EPHB3: variants seen among roughly 807,000 people sequenced by gnomAD.
The protein encoded by EPHB3 is EPH receptor B3.
In EPHB3, 33 loss-of-function variants were observed where a neutral mutation model predicts 100.2. The observed-to-expected ratio is 0.33, with a 90% CI of 0.25 to 0.44. The LOEUF (loss-of-function observed/expected upper bound fraction) is 0.44. Among genes scored for constraint, EPHB3 ranks in the 20% least tolerant of loss-of-function variants. The pLI, the probability that EPHB3 is intolerant of heterozygous loss-of-function variation, is 1.00. For missense variants in EPHB3, 1,045 were observed against 1,378.3 expected (o/e 0.76, Z 3.83); for synonymous variants, 526 against 554.7 (o/e 0.95, Z 0.73).
At chr3:184,566,393 T>C (rs916477513) in intron 1 of EPHB3, among the ~76,000 whole-genome samples, 2 of 152,212 alleles carry the variant, frequency 1.3e-5, no homozygotes, top group African/African-American at 2.4e-5. Context: ...TTCTCTGTTC[T>C]GAGATGTTCC....
chr3:184,580,456 G>T lies in EPHB3; in HGVS notation c.2227G>T (p.Ala743Ser). 1 of 1,614,222 alleles carries T rather than the reference G, an allele frequency of 6.2e-7. No homozygotes were observed. Among genetic ancestry groups the T allele is most frequent in the Non-Finnish European group, 8.5e-7 (1 of 1,180,026 alleles). Residue 743 changes from alanine to serine, a missense_variant, in exon 12 of 16, where the codon GCT becomes TCT. Ala to Ser is a moderately conservative substitution (Grantham distance 99). Coordinates refer to ENST00000330394, the MANE Select transcript of EPHB3 (RefSeq NM_004443.4). ...GCTGGTGGGCATGTTGCGGGGCATT[G>T]CTGCCGGCATGAAGTACCTGTCCGA... ...IQLVGMLRGI[A>S]AGMKYLSEMN...
intron 1 of EPHB3, among the ~76,000 whole-genome samples, chr3:184,567,480 G>T (rs979777356): frequency 6.7e-6 from 1 of 148,564 alleles, no homozygotes; most frequent in East Asian, 2.0e-4. Context: ...ATGCTTGCAG[G>T]GTGTGTGTGT....
In EPHB3 at chr3:184,580,850, G is replaced by C. The variant is rs1235401341; in HGVS notation, c.2510G>C (p.Arg837Pro). The change falls in exon 13 of 16, where the codon CGA (arginine) becomes CCA (proline). Residue 837 changes from arginine (R) to proline (P), a missense_variant. Physicochemically the swap from Arg to Pro is moderately radical, Grantham distance 103. This residue lies in a region of EPHB3 where 985 missense variants were observed against 1,331.1 expected (regional missense o/e 0.74). Transcript: ENST00000330394. The stretch of plus-strand genomic sequence containing the variant: ...TGGGAGGTCATGAGCTATGGAGAGC[G>C]ACCCTACTGGGACATGAGCAACCAG... The part of the protein sequence containing the change: ...VMWEVMSYGE[R>P]PYWDMSNQDV... 6.2e-7 allele frequency: 1 copy of C among 1,614,156 alleles called. No homozygotes were observed. The highest frequency in any genetic ancestry group is 2.2e-5 in the East Asian group (1 of 44,886).
At position 184,581,004 on chromosome 3, in the gene EPHB3, G is replaced by A; in HGVS notation, c.2571G>A (p.Leu857=). ...ATGCCGTGGAGCAGGATTACCGGCT[G>A]CCACCACCCATGGACTGTCCCACAG... is the stretch of plus-strand genomic sequence containing the variant. ...VINAVEQDYR[L]PPPMDCPTAL... Residue 857 remains leucine, a synonymous_variant, in exon 14 of 16, where the codon CTG becomes CTA. Transcript: ENST00000330394. 1 of 1,612,938 alleles carries A rather than the reference G, an allele frequency of 6.2e-7. No individual in the cohort carries two copies. The highest frequency in any genetic ancestry group is 2.2e-5 in the East Asian group (1 of 44,816).
Position 184,576,916 on chromosome 3 carries a change from C to A in EPHB3, c.1087C>A (p.Arg363=), listed in dbSNP as rs549325655. The part of the protein sequence containing the change: ...TSLILEWSEP[R]DLGGRDDLLY... ...ACTGATCCTCGAGTGGAGTGAGCCC[C>A]GGGACCTGGGTGGCCGGGATGACCT... The change falls in exon 5 of 16, where the codon CGG becomes AGG. Residue 363 remains arginine, a synonymous_variant. Transcript: ENST00000330394. 15 of 1,595,734 alleles carry A rather than the reference C, an allele frequency of 9.4e-6. No homozygotes were observed. The highest frequency in any genetic ancestry group is 1.3e-5 in the Non-Finnish European group (15 of 1,168,052).
At chr3:184,574,076 T>C (rs907110327) in intron 3 of EPHB3, among the ~76,000 whole-genome samples, 1 of 152,158 alleles carries the variant, frequency 6.6e-6, no homozygotes, top group Non-Finnish European at 1.5e-5. Context: ...AGGAAAATAA[T>C]AGAGGTTCCT....
In EPHB3 at chr3:184,580,337, G is replaced by A. The variant is rs1714787922; in HGVS notation, c.2173-65G>A. 2.5e-6 allele frequency: 4 copies of A among 1,597,520 alleles called. No homozygotes were observed. In the African/African-American group the frequency reaches 4.0e-5, roughly 16 times the overall value. ...GAGTCTGAGTACTCGGAGAGGGAAGGCAGGTGGGCAGGCCATGGGCTGATG... is the reference window on the plus strand; with the variant it reads ...GAGTCTGAGTACTCGGAGAGGGAAGACAGGTGGGCAGGCCATGGGCTGATG... On this transcript the variant is annotated intron_variant, in intron 11 of 15. Transcript: ENST00000330394.
In EPHB3 at chr3:184,569,979, G is replaced by A. The variant is rs1387178309; in HGVS notation, c.119-1339G>A. 6.6e-6 allele frequency among the ~76,000 whole-genome samples: 1 copy of A among 152,242 alleles called. No homozygotes were observed. Among genetic ancestry groups the A allele is most frequent in the Non-Finnish European group, 1.5e-5 (1 of 68,048 alleles). On this transcript the variant is annotated intron_variant, in intron 1 of 15. Coordinates refer to ENST00000330394, the MANE Select transcript of EPHB3 (RefSeq NM_004443.4). The surrounding 1 kb of genome is among the most constrained non-coding windows in gnomAD (Gnocchi z 5.4). ...TTTCCTGACCCAGGTCTAATCTGGG[G>A]GTCACACTGTCTTTCAGAGAGTAGG... is the stretch of plus-strand genomic sequence containing the variant.
At chr3:184,574,793 C>T (rs1173334932) in intron 3 of EPHB3, among the ~76,000 whole-genome samples, 1 of 152,206 alleles carries the variant, frequency 6.6e-6, no homozygotes, top group Non-Finnish European at 1.5e-5. Flanking sequence ...AGGTCCCCGG[C>T]AGGAAATGCA....
In EPHB3 at chr3:184,578,229, TAGGGACTGAGTCCACTGAACC is replaced by T; in HGVS notation, c.1749-184_1749-164del. 5 of 938,916 alleles carry T rather than the reference TAGGGACTGAGTCCACTGAACC, an allele frequency of 5.3e-6. No individual in the cohort carries two copies. Among genetic ancestry groups the T allele is most frequent in the Non-Finnish European group, 6.3e-6 (4 of 632,118 alleles). 58.2% of individuals were successfully genotyped at this position (938,916 alleles called of 1,614,324 possible). A position where few individuals can be genotyped will look rare whatever the true frequency, so the allele number is the denominator to read the frequency against. ...TCCCTGAATCTCCGGGCAGGTTCCC[TAGGGACTGAGTCCACTGAACC>T]CCTTGCTCAGACACCCAGAGACTGC... On this transcript the variant is annotated intron_variant, in intron 8 of 15. Transcript: ENST00000330394. This position sits in a 1 kb window ranked among gnomAD's most constrained non-coding sequence, Gnocchi z 4.7.
chr3:184,576,933 G>C lies in EPHB3; in HGVS notation c.1104G>C (p.Arg368=), dbSNP rs778841600. ...GTGAGCCCCGGGACCTGGGTGGCCG[G>C]GATGACCTCCTGTACAATGTCATCT... The part of the protein sequence containing the change: ...EWSEPRDLGG[R]DDLLYNVICK... Residue 368 remains arginine, a synonymous_variant, in exon 5 of 16, where the codon CGG becomes CGC. Coordinates refer to ENST00000330394, the MANE Select transcript of EPHB3 (RefSeq NM_004443.4). The C allele has an allele frequency of 6.2e-7, 1 of 1,602,764 alleles. No individual in the cohort carries two copies. The highest frequency in any genetic ancestry group is 1.3e-5 in the African/African-American group (1 of 74,740).
At chr3:184,574,698 A>G (rs1476190460) in intron 3 of EPHB3, among the ~76,000 whole-genome samples, 1 of 152,164 alleles carries the variant, frequency 6.6e-6, no homozygotes, top group Non-Finnish European at 1.5e-5. Context: ...CTCGATGGGA[A>G]TCTGTCCTGA....
In EPHB3 at chr3:184,577,278, A is replaced by T; in HGVS notation, c.1355-65A>T. ...AAGGGACCACTGGGGGTCCCATGGGAAGTGGGTCTTTGGGAAGGATGCCAG... is the reference window on the plus strand; with the variant it reads ...AAGGGACCACTGGGGGTCCCATGGGTAGTGGGTCTTTGGGAAGGATGCCAG... On this transcript the variant is annotated intron_variant, in intron 5 of 15. Transcript: ENST00000330394. The surrounding 1 kb of genome is among the most constrained non-coding windows in gnomAD (Gnocchi z 4.9). 1.3e-6 allele frequency: 2 copies of T among 1,592,816 alleles called. No individual in the cohort carries two copies. Among genetic ancestry groups the T allele is most frequent in the South Asian group, 2.3e-5 (2 of 88,280 alleles).
Position 184,562,138 on chromosome 3 carries a change from C to G in EPHB3, c.-98C>G, listed in dbSNP as rs567280090. The G allele has an allele frequency of 8.7e-5, 16 of 184,628 alleles. No homozygotes were observed. The highest frequency in any genetic ancestry group is 1.2e-4 in the African/African-American group (5 of 42,012). 11.4% of individuals were successfully genotyped at this position (184,628 alleles called of 1,614,324 possible). A position where few individuals can be genotyped will look rare whatever the true frequency, so the allele number is the denominator to read the frequency against. On this transcript the variant is annotated 5_prime_UTR_variant, in exon 1 of 16. Transcript: ENST00000330394. This position sits in a 1 kb window ranked among gnomAD's most constrained non-coding sequence, Gnocchi z 4.8. Reference sequence around the variant, plus strand: ...CCTGGGACCCGACGCGAGCCTGCCCCGGAGCCCGCCGAGCGCACCCTCTCT... The same window carrying G: ...CCTGGGACCCGACGCGAGCCTGCCCGGGAGCCCGCCGAGCGCACCCTCTCT...
In EPHB3 at chr3:184,562,844, C is replaced by T. The variant is rs1714292510; in HGVS notation, c.118+491C>T. Among the ~76,000 whole-genome samples the T allele has an allele frequency of 6.6e-6, 1 of 152,298 alleles. No individual in the cohort carries two copies. The highest frequency in any genetic ancestry group is 2.1e-4 in the South Asian group (1 of 4,828). On this transcript the variant is annotated intron_variant, in intron 1 of 15. Transcript: ENST00000330394. This position sits in a 1 kb window ranked among gnomAD's most constrained non-coding sequence, Gnocchi z 4.8. ...CGAGCACCCCGATTTGTCAGGGGAC[C>T]GCTGCGGGGGCGGACAGGCGGGGGC...
In EPHB3 at chr3:184,572,856, G is replaced by A. The variant is rs1257091260; in HGVS notation, c.536G>A (p.Arg179His). 10 of 1,561,462 alleles carry A rather than the reference G, an allele frequency of 6.4e-6. No individual in the cohort carries two copies. Among genetic ancestry groups the A allele is most frequent in the Admixed American group, 1.9e-5 (1 of 52,912 alleles). Residue 179 changes from arginine to histidine, a missense_variant, in exon 3 of 16, where the codon CGC becomes CAC. Physicochemically the swap from Arg to His is conservative, Grantham distance 29. Transcript: ENST00000330394. The surrounding 1 kb of genome is among the most constrained non-coding windows in gnomAD (Gnocchi z 6.6). ...LDAGRVNTKV[R>H]SFGPLSKAGF... ...GCCGGCCGTGTCAACACCAAGGTGC[G>A]CAGCTTTGGGCCACTTTCCAAGGCT...
chr3:184,578,477 C>T lies in EPHB3; in HGVS notation c.1801+11C>T. The T allele has an allele frequency of 6.2e-7, 1 of 1,613,500 alleles. No homozygotes were observed. The highest frequency in any genetic ancestry group is 8.5e-7 in the Non-Finnish European group (1 of 1,179,806). On this transcript the variant is annotated intron_variant, in intron 9 of 15. Transcript: ENST00000330394. This position sits in a 1 kb window ranked among gnomAD's most constrained non-coding sequence, Gnocchi z 4.7. ...AGCTGCAGCAGTACAGTGAGTTTGT[C>T]CCCGCCGCCCTCCCCAAGCTCTCCC... is the stretch of plus-strand genomic sequence containing the variant.
In EPHB3 at chr3:184,567,480, GGTGTGTGT is replaced by G. The variant is rs58429187; in HGVS notation, c.119-3811_119-3804del. Reference sequence around the variant, plus strand: ...CCCATAAACAGAACCATGCTTGCAGGGTGTGTGTGTGTGTGTGTGTGTGTGTGTGTGTG... The same window carrying G: ...CCCATAAACAGAACCATGCTTGCAGGGTGTGTGTGTGTGTGTGTGTGTGTG... On this transcript the variant is annotated intron_variant, in intron 1 of 15. Coordinates refer to ENST00000330394, the MANE Select transcript of EPHB3 (RefSeq NM_004443.4). Among the ~76,000 whole-genome samples the G allele has an allele frequency of 1.8e-4, 27 of 148,658 alleles. No homozygotes were observed. The East Asian group carries it at 2.4e-3, about 13-fold the overall frequency.
At position 184,576,844 on chromosome 3, in the gene EPHB3, G is replaced by A. The variant is rs149247223; in HGVS notation, c.1015G>A (p.Val339Met). 318 of 1,540,346 alleles carry A rather than the reference G, an allele frequency of 2.1e-4. No individual in the cohort carries two copies. The highest frequency in any genetic ancestry group is 2.7e-4 in the Non-Finnish European group (303 of 1,139,620). Residue 339 changes from valine to methionine, a missense_variant and splice_region_variant, in exon 5 of 16, where the codon GTG becomes ATG. Val to Met is a conservative substitution (Grantham distance 21). Around this residue, in one of 2 missense-constraint regions of EPHB3, gnomAD observed 985 missense variants for 1,331.1 expected, o/e 0.74. Coordinates refer to ENST00000330394, the MANE Select transcript of EPHB3 (RefSeq NM_004443.4). ...SDSADSACTT[V>M]PSPPRGVISN... is the part of the protein sequence containing the mutation. ...TTCTCCCTCCATATTCCTCACAGCC[G>A]TGCCATCTCCACCCCGAGGTGTGAT...
Sources: gnomAD v4.1 joint callset for allele counts (sites outside exome capture counted in the v4.1 genomes callset) on GRCh38, gnomAD v4.1.1 for gene constraint, gnomAD v4.1.1 regional missense constraint, Gnocchi (gnomAD v3.1) non-coding constraint, MANE v1.5 for transcripts, NCBI Gene and HGNC (gene_info 2026-07-23, HGNC 2026-07-21) for gene names.